ZNF333: variants seen among roughly 807,000 people sequenced by gnomAD.
The protein encoded by ZNF333 is zinc finger protein 333.
Under a neutral mutation model 76.1 loss-of-function variants are expected in ZNF333, and 61 were observed. The observed-to-expected ratio is 0.80, with a 90% CI of 0.65 to 0.99. The LOEUF (loss-of-function observed/expected upper bound fraction) is 0.99. ZNF333 is among the 50% of genes least tolerant of loss of function. ZNF333 has a pLI of 0.00. For synonymous variants in ZNF333, 284 were observed against 305.0 expected, an observed-to-expected ratio of 0.93 and a Z score of 0.72; for missense variants, 717 against 822.4, an observed-to-expected ratio of 0.87 and a Z score of 1.57.
intron 4 of ZNF333, among the ~76,000 whole-genome samples, chr19:14,698,026 G>C (rs533201069): frequency 1.3e-5 from 2 of 152,136 alleles, no homozygotes; most frequent in Non-Finnish European, 2.9e-5. Flanking sequence ...GACTGCCAGA[G>C]TCCACACATA....
rs1008074231 is a variant in ZNF333 at position 14,721,046 on chromosome 19, CTTAT to C, written c.*1725_*1728del. The C allele has an allele frequency of 6.1e-6, 5 of 826,328 alleles. No homozygotes were observed. The highest frequency in any genetic ancestry group is 1.2e-4 in the East Asian group (1 of 8,072). The allele number at this position is 826,328 out of a possible 1,614,324, so 51.2% of individuals were successfully genotyped here. On this transcript the variant is annotated 3_prime_UTR_variant, in exon 12 of 12. Transcript: ENST00000292530. Reference sequence around the variant, plus strand: ...CCATTCATTGTAATGATAGTAAATACTTATTTAGAGTTTACTATTAATAGATAGT... The same window carrying C: ...CCATTCATTGTAATGATAGTAAATACTTAGAGTTTACTATTAATAGATAGT...
chr19:14,715,325 G>T, intron 7 of ZNF333, 57 bp from the exon 8 acceptor site: 1 of 1,541,322 alleles, frequency 6.5e-7, no homozygotes, highest in South Asian at 1.1e-5. Flanking sequence ...CTTGGGGCCT[G>T]TGAGTGTGCC....
At chr19:14,727,092 A>T (rs2042637757) in intron 11 of ZNF333, among the ~76,000 whole-genome samples, 1 of 131,986 alleles carries the variant, frequency 7.6e-6, no homozygotes, top group South Asian at 2.3e-4. Context: ...CAGTGGCGCA[A>T]TCTTGGCTCA....
chr19:14,713,167 G>C (rs71334737), intron 7 of ZNF333, among the ~76,000 whole-genome samples: 29,464 of 152,088 alleles, frequency 0.19, 3,014 homozygotes, highest in Middle Eastern at 0.29. Context: ...GCGAACCTGT[G>C]AGAAATCAGA....
chr19:14,728,732 T>G (rs943437761), intron 11 of ZNF333, among the ~76,000 whole-genome samples: 3 of 152,214 alleles, frequency 2.0e-5, no homozygotes, highest in Non-Finnish European at 4.4e-5. Flanking sequence ...GCTCTAGCAA[T>G]AAATGCTGGG....
Position 14,695,100 on chromosome 19 carries a change from A to G in ZNF333, c.94A>G (p.Met32Val). 2 of 1,614,082 alleles carry G rather than the reference A, an allele frequency of 1.2e-6. No individual in the cohort carries two copies. Among genetic ancestry groups the G allele is most frequent in the Non-Finnish European group, 1.7e-6 (2 of 1,179,962 alleles). The change falls in exon 3 of 12, where the codon ATG becomes GTG. Residue 32 changes from methionine to valine, a missense_variant. Physicochemically the swap from Met to Val is conservative, Grantham distance 21 (BLOSUM62 1). Coordinates refer to ENST00000292530, the MANE Select transcript of ZNF333 (RefSeq NM_032433.4). ...SARRSLCKYR[M>V]LDQCRTLASR... The stretch of plus-strand genomic sequence containing the variant: ...ACGGAGGAGCCTGTGCAAATACAGG[A>G]TGCTTGACCAGTGCAGGACCCTGGC...
chr19:14,695,124 G>T lies in ZNF333; in HGVS notation c.118G>T (p.Ala40Ser). Residue 40 changes from alanine to serine, a missense_variant, in exon 3 of 12, where the codon GCC becomes TCC. Coordinates refer to ENST00000292530, the MANE Select transcript of ZNF333 (RefSeq NM_032433.4). ...YRMLDQCRTL[A>S]SRGTPPCKPS... ...GATGCTTGACCAGTGCAGGACCCTG[G>T]CCTCCAGGGGTAAGGCTGGCGTCAC... 1 of 1,613,482 alleles carries T rather than the reference G, an allele frequency of 6.2e-7. No individual in the cohort carries two copies. The highest frequency in any genetic ancestry group is 8.5e-7 in the Non-Finnish European group (1 of 1,179,512).
intron 4 of ZNF333, among the ~76,000 whole-genome samples, chr19:14,697,736 T>A (rs1411473206): frequency 6.6e-6 from 1 of 152,196 alleles, no homozygotes; most frequent in Non-Finnish European, 1.5e-5. Context: ...CTGGCTCATA[T>A]GGTAATGCTA....
In ZNF333 at chr19:14,719,132, C is replaced by A. The variant is rs1235599440; in HGVS notation, c.1805C>A (p.Ser602Tyr). The change falls in exon 12 of 12, where the codon TCT becomes TAT. Residue 602 changes from serine to tyrosine, a missense_variant. Transcript: ENST00000292530. ...CQECGRAFGQ[S>Y]SHLIVHVRTH... Reference sequence around the variant, plus strand: ...GAATGCGGGCGAGCCTTTGGTCAGTCTTCACATCTTATTGTACATGTGAGA... The same window carrying A: ...GAATGCGGGCGAGCCTTTGGTCAGTATTCACATCTTATTGTACATGTGAGA... The A allele has an allele frequency of 3.1e-6, 5 of 1,614,082 alleles. No individual in the cohort carries two copies. In the Admixed American group the frequency reaches 8.3e-5, roughly 27 times the overall value.
At chr19:14,703,825 G>C (rs972803197) in intron 5 of ZNF333, among the ~76,000 whole-genome samples, 6 of 152,332 alleles carry the variant, frequency 3.9e-5, no homozygotes, top group African/African-American at 1.2e-4. Flanking sequence ...CATGTGGGCT[G>C]TGGGTCACGG....
chr19:14,695,144 C>A lies in ZNF333; in HGVS notation c.127+11C>A, dbSNP rs369896244. The A allele has an allele frequency of 1.2e-6, 2 of 1,611,716 alleles. No homozygotes were observed. The highest frequency in any genetic ancestry group is 1.7e-5 in the Admixed American group (1 of 59,854). On this transcript the variant is annotated intron_variant, in intron 3 of 11. Transcript: ENST00000292530. ...CCCTGGCCTCCAGGGGTAAGGCTGG[C>A]GTCACCTGGCTCCTTCCTGTACGCA...
In ZNF333 at chr19:14,719,407, G is replaced by T; in HGVS notation, c.*82G>T. On this transcript the variant is annotated 3_prime_UTR_variant, in exon 12 of 12. Transcript: ENST00000292530. ...CTTTAGCTGCATCCTGTGTTTCAAT[G>T]TATAATATTTTCATTTTGGTTTAAT... 1 of 1,395,938 alleles carries T rather than the reference G, an allele frequency of 7.2e-7. No individual in the cohort carries two copies. Among genetic ancestry groups the T allele is most frequent in the South Asian group, 1.5e-5 (1 of 68,378 alleles). The allele number at this position is 1,395,938 out of a possible 1,614,324, so 86.5% of individuals were successfully genotyped here.
chr19:14,690,630 A>G (rs1267703274), intron 1 of ZNF333, among the ~76,000 whole-genome samples: 1 of 152,216 alleles, frequency 6.6e-6, no homozygotes, highest in Non-Finnish European at 1.5e-5. Context: ...TGATTGGCCA[A>G]ATTTACTTAA....
Position 14,718,286 on chromosome 19 carries a change from A to T in ZNF333, c.959A>T (p.Asn320Ile). 6.2e-7 allele frequency: 1 copy of T among 1,614,158 alleles called. No individual in the cohort carries two copies. Among genetic ancestry groups the T allele is most frequent in the Non-Finnish European group, 8.5e-7 (1 of 1,180,012 alleles). ...YKYNELEKPF[N>I]SIEPLFQYQR... The stretch of plus-strand genomic sequence containing the variant: ...TATAATGAACTTGAGAAACCTTTTA[A>T]CAGCATTGAACCACTTTTCCAGTAC... The change falls in exon 12 of 12, where the codon AAC becomes ATC. Residue 320 changes from asparagine to isoleucine, a missense_variant. Coordinates refer to ENST00000292530, the MANE Select transcript of ZNF333 (RefSeq NM_032433.4).
At chr19:14,728,198 G>A (rs1324037791) in intron 11 of ZNF333, among the ~76,000 whole-genome samples, 1 of 152,222 alleles carries the variant, frequency 6.6e-6, no homozygotes, top group African/African-American at 2.4e-5. Flanking sequence ...GGGCGACAGA[G>A]CGAGACTCCG....
chr19:14,693,901 G>A (rs571695881), intron 2 of ZNF333, among the ~76,000 whole-genome samples: 1 of 149,224 alleles, frequency 6.7e-6, no homozygotes, highest in Non-Finnish European at 1.5e-5. Flanking sequence ...GATAGCTTGA[G>A]CCCAGGAGAT....
intron 5 of ZNF333, among the ~76,000 whole-genome samples, chr19:14,702,921 G>A (rs972186076): frequency 3.3e-5 from 5 of 151,968 alleles, no homozygotes; most frequent in Admixed American, 1.3e-4. Context: ...CCATCAGATC[G>A]TGGCCGGGCG....
intron 5 of ZNF333, chr19:14,699,497 G>A (rs1431190961): frequency 4.4e-6 from 2 of 449,762 alleles, no homozygotes; most frequent in African/African-American, 2.0e-5. Context: ...GTCTTGTTCT[G>A]TCACCCAGGC....
Position 14,718,581 on chromosome 19 carries a change from A to C in ZNF333, c.1254A>C (p.Gly418=). The C allele has an allele frequency of 6.2e-7, 1 of 1,614,128 alleles. No individual in the cohort carries two copies. Among genetic ancestry groups the C allele is most frequent in the Non-Finnish European group, 8.5e-7 (1 of 1,180,036 alleles). ...NLRRHMRTHT[G]EKPFECSQCG... The stretch of plus-strand genomic sequence containing the variant: ...GGCGACACATGAGAACCCATACCGG[A>C]GAGAAGCCATTTGAATGTAGTCAGT... Residue 418 remains glycine (G), a synonymous_variant, in exon 12 of 12, where the codon GGA becomes GGC. Coordinates refer to ENST00000292530, the MANE Select transcript of ZNF333 (RefSeq NM_032433.4).
Sources: allele counts gnomAD v4.1 joint callset (sites outside exome capture counted in the v4.1 genomes callset), GRCh38; gene constraint gnomAD v4.1.1; transcripts MANE v1.5; gene names NCBI Gene and HGNC (gene_info 2026-07-23, HGNC 2026-07-21).